COL5A2: variants seen among roughly 807,000 people sequenced by gnomAD.
COL5A2 encodes the protein collagen alpha-2(V) chain.
In COL5A2, 23 loss-of-function variants were observed where a neutral mutation model predicts 208.2. The ratio of observed to expected loss-of-function variants is 0.11; its 90% CI spans 0.08 to 0.16. The LOEUF is 0.16. Among genes scored for constraint, COL5A2 ranks in the 10% least tolerant of loss-of-function variants. COL5A2 has a pLI of 1.00. For missense variants in COL5A2, 1,590 were observed against 1,956.4 expected (o/e 0.81, Z 3.53); for synonymous variants, 625 against 628.5 (o/e 0.99, Z 0.08).
chr2:189,063,595 G>A (rs1206041828), intron 26 of COL5A2, among the ~76,000 whole-genome samples: 1 of 152,106 alleles, frequency 6.6e-6, no homozygotes, highest in Non-Finnish European at 1.5e-5. Context: ...TCACATTGCA[G>A]AACAAGGGAA....
At chr2:189,235,016 A>G in the COL5A2 span, among the ~76,000 whole-genome samples, 2 of 151,774 alleles carry the variant, frequency 1.3e-5, no homozygotes, top group Non-Finnish European at 2.9e-5. Flanking sequence ...GAGATATTAC[A>G]TTCTTTATTA....
the COL5A2 span, among the ~76,000 whole-genome samples, chr2:189,270,928 AC>A: frequency 1.3e-5 from 2 of 152,140 alleles, no homozygotes; most frequent in Non-Finnish European, 2.9e-5. Context: ...AGAATAAAAT[AC>A]CTAGGAATAC....
At chr2:189,170,709 G>A (rs746210186) in intron 1 of COL5A2, among the ~76,000 whole-genome samples, 1 of 151,952 alleles carries the variant, frequency 6.6e-6, no homozygotes, top group Non-Finnish European at 1.5e-5. Context: ...AACATGAGCA[G>A]TCTTGCAAGG....
At chr2:189,296,019 C>A in the COL5A2 span, among the ~76,000 whole-genome samples, 1 of 151,938 alleles carries the variant, frequency 6.6e-6, no homozygotes, top group East Asian at 1.9e-4. Flanking sequence ...GTTTTTTAAT[C>A]AAACTTAAAA....
chr2:189,361,570 CTA>C, the COL5A2 span, among the ~76,000 whole-genome samples: 1 of 151,334 alleles, frequency 6.6e-6, no homozygotes, highest in South Asian at 2.1e-4. Flanking sequence ...TTTAGTCACT[CTA>C]TGTCTTTTAA....
intron 26 of COL5A2, 34 bp downstream of exon 26, chr2:189,063,946 T>C (rs935117945): frequency 2.0e-5 from 31 of 1,555,898 alleles, no homozygotes; most frequent in Non-Finnish European, 3.5e-6. Flanking sequence ...TTGAAAAATA[T>C]TAGTGGTTGT....
rs145442880 is a variant in COL5A2 at position 189,085,226 on chromosome 2, C to A, written c.745-13G>T. On this transcript the variant is annotated splice_polypyrimidine_tract_variant and intron_variant, in intron 10 of 53. Coordinates refer to ENST00000374866, the MANE Select transcript of COL5A2 (RefSeq NM_000393.5). ...AACCAATCGGACCCTAATAACAGAACAAAACAAAAGGAAAAAAAGAATATT... is the reference window on the plus strand; with the variant it reads ...AACCAATCGGACCCTAATAACAGAAAAAAACAAAAGGAAAAAAAGAATATT... The A allele has an allele frequency of 2.5e-6, 4 of 1,605,392 alleles. No homozygotes were observed. The African/African-American group carries it at 4.0e-5, about 16-fold the overall frequency.
chr2:189,057,361 C>T lies in COL5A2; in HGVS notation c.2296G>A (p.Glu766Lys). ...GPPGLQGMPG[E>K]RGIAGTPGPK... ...CCAGGAGTTCCTGCAATTCCTCTTTCTCCCGGCATACCTTGAAGACCTGGT... is the reference window on the plus strand; with the variant it reads ...CCAGGAGTTCCTGCAATTCCTCTTTTTCCCGGCATACCTTGAAGACCTGGT... The change falls in exon 34 of 54, where the codon GAA (glutamate) becomes AAA (lysine). Residue 766 changes from glutamate to lysine, a missense_variant. Coordinates refer to ENST00000374866, the MANE Select transcript of COL5A2 (RefSeq NM_000393.5). The T allele has an allele frequency of 6.3e-7, 1 of 1,586,994 alleles. No homozygotes were observed. Among genetic ancestry groups the T allele is most frequent in the Non-Finnish European group, 8.6e-7 (1 of 1,164,336 alleles).
At chr2:189,056,232 C>T (rs957888081) in intron 35 of COL5A2, among the ~76,000 whole-genome samples, 1 of 152,162 alleles carries the variant, frequency 6.6e-6, no homozygotes, top group African/African-American at 2.4e-5. Context: ...TGACAACTAA[C>T]AGCAAACCAT....
chr2:189,036,199 T>A (rs984902303), intron 52 of COL5A2, among the ~76,000 whole-genome samples: 8 of 152,036 alleles, frequency 5.3e-5, no homozygotes, highest in African/African-American at 1.9e-4. Context: ...TCCAAAAAGT[T>A]CAGAGACTTT....
chr2:189,093,361 T>C (rs1216610376), intron 6 of COL5A2, among the ~76,000 whole-genome samples: 1 of 152,142 alleles, frequency 6.6e-6, no homozygotes, highest in African/African-American at 2.4e-5. Flanking sequence ...GGAAATATGG[T>C]AAATGAAGTT....
intron 1 of COL5A2, among the ~76,000 whole-genome samples, chr2:189,176,044 C>T (rs1482439531): frequency 6.6e-6 from 1 of 152,144 alleles, no homozygotes. Context: ...AAAATGATGT[C>T]ATCCAAATAC....
intron 8 of COL5A2, among the ~76,000 whole-genome samples, chr2:189,087,295 T>C (rs1686683358): frequency 6.6e-6 from 1 of 152,156 alleles, no homozygotes; most frequent in Non-Finnish European, 1.5e-5. Context: ...CAACATAGAT[T>C]GAAACTATCC....
intron 7 of COL5A2, among the ~76,000 whole-genome samples, chr2:189,091,896 C>A (rs1464314028): frequency 2.0e-5 from 3 of 152,138 alleles, no homozygotes; most frequent in African/African-American, 7.2e-5. Context: ...AACTCAATGG[C>A]CTTCTCATAT....
the COL5A2 span, among the ~76,000 whole-genome samples, chr2:189,319,862 C>A: frequency 6.6e-6 from 1 of 152,350 alleles, no homozygotes; most frequent in East Asian, 1.9e-4. Flanking sequence ...GGACAGACTG[C>A]ATCCTCAAGT....
At chr2:189,410,682 C>T in the COL5A2 span, among the ~76,000 whole-genome samples, 4 of 151,976 alleles carry the variant, frequency 2.6e-5, no homozygotes, top group East Asian at 7.7e-4. Flanking sequence ...GATATATGGA[C>T]TTTAGTGATT....
At chr2:189,296,057 ATTCTC>A in the COL5A2 span, among the ~76,000 whole-genome samples, 2 of 151,894 alleles carry the variant, frequency 1.3e-5, no homozygotes, top group African/African-American at 4.8e-5. Flanking sequence ...TTTCAGCCTC[ATTCTC>A]TTCTCTTCTG....
chr2:189,191,016 A>G (rs1412538275), intron 1 of COL5A2, among the ~76,000 whole-genome samples: 2 of 152,146 alleles, frequency 1.3e-5, no homozygotes, highest in East Asian at 3.9e-4. Flanking sequence ...ACAGCGTATG[A>G]TAAAAGGACT....
chr2:189,132,661 C>A (rs183308072), intron 1 of COL5A2, among the ~76,000 whole-genome samples: 3 of 152,248 alleles, frequency 2.0e-5, no homozygotes, highest in Non-Finnish European at 2.9e-5. Flanking sequence ...TAGCTTACGC[C>A]TGTAATCCCA....
Sources: allele counts gnomAD v4.1 joint callset (sites outside exome capture counted in the v4.1 genomes callset), GRCh38; gene constraint gnomAD v4.1.1; transcripts MANE v1.5; gene names NCBI Gene and HGNC (gene_info 2026-07-23, HGNC 2026-07-21).